Variants in TTC7A observed in about 807,000 individuals in gnomAD.
The protein encoded by TTC7A is tetratricopeptide repeat domain 7A.
TTC7A carries 110 observed loss-of-function variants against 103.7 expected under a neutral mutation model. The ratio of observed to expected loss-of-function variants is 1.06; its 90% CI spans 0.91 to 1.24. TTC7A has a LOEUF of 1.24. TTC7A is among the 50% of genes most tolerant of loss of function. TTC7A has a pLI of 0.00. For missense variants in TTC7A, 1,340 were observed against 1,116.3 expected (o/e 1.20, Z -2.86); for synonymous variants, 521 against 467.9 (o/e 1.11, Z -1.47).
At chr2:47,055,172 T>C (rs1027072946) in intron 18 of TTC7A, among the ~76,000 whole-genome samples, 2 of 151,952 alleles carry the variant, frequency 1.3e-5, no homozygotes, top group Admixed American at 6.5e-5. Context: ...GCCTAATGAC[T>C]CCACCAGCTG....
rs113261858 is a variant in TTC7A at position 47,021,903 on chromosome 2, C to A, written c.1434C>A (p.Leu478=). The A allele has an allele frequency of 9.9e-5, 159 of 1,614,168 alleles. No individual in the cohort carries two copies. In the African/African-American group the frequency reaches 1.8e-3, roughly 18 times the overall value. ...AEHFAMMVIS[L]GEEAGEFLPK... Reference sequence around the variant, plus strand: ...ACTTTGCCATGATGGTGATCAGCCTCGGAGAGGAAGCCGGGGAGTTCCTCC... The same window carrying A: ...ACTTTGCCATGATGGTGATCAGCCTAGGAGAGGAAGCCGGGGAGTTCCTCC... Residue 478 remains leucine, a synonymous_variant, in exon 12 of 20, where the codon CTC becomes CTA. Coordinates refer to ENST00000319190, the MANE Select transcript of TTC7A (RefSeq NM_020458.4).
chr2:47,068,862 C>CAAAAAAAAA (rs201835431), intron 19 of TTC7A, among the ~76,000 whole-genome samples: 2 of 69,758 alleles, frequency 2.9e-5, no homozygotes, highest in African/African-American at 3.7e-5. Context: ...TCAATTTTTT[C>CAAAAAAAAA]AAAAAAAAAA....
upstream of TTC7A, among the ~76,000 whole-genome samples, chr2:46,939,178 G>C (rs143089887): frequency 3.5e-3 from 537 of 152,178 alleles, 4 homozygotes; most frequent in African/African-American, 0.012. Flanking sequence ...CTCTACAGGA[G>C]CTAAACCCAT....
chr2:46,991,985 C>T (rs957122064), intron 5 of TTC7A, among the ~76,000 whole-genome samples: 6 of 152,222 alleles, frequency 3.9e-5, no homozygotes. Context: ...CAAAGGTGTC[C>T]TTTCATGGCT....
chr2:46,922,683 T>TC (rs1170538188), intron 2 of TTC7A, among the ~76,000 whole-genome samples: 3 of 151,824 alleles, frequency 2.0e-5, no homozygotes, highest in Non-Finnish European at 2.9e-5. Flanking sequence ...TTTCTCCCAT[T>TC]CTCTCACTCA....
intron 17 of TTC7A, among the ~76,000 whole-genome samples, chr2:47,051,176 C>G (rs2117166): frequency 0.15 from 22,345 of 152,080 alleles, 2,748 homozygotes; most frequent in East Asian, 0.62. Context: ...GTGAAAATAG[C>G]CAAGGGAAGA....
chr2:47,050,617 CT>C (rs1682778454), intron 17 of TTC7A: 1 of 153,580 alleles, frequency 6.5e-6, no homozygotes, highest in African/African-American at 2.4e-5. Context: ...AGTGGAATTG[CT>C]CAGTTTTTTC....
chr2:46,999,454 C>A, intron 8 of TTC7A: 1 of 984,316 alleles, frequency 1.0e-6, no homozygotes, highest in Non-Finnish European at 1.2e-6. Flanking sequence ...TCTGTCTATC[C>A]ACCCACCATG....
In TTC7A at chr2:46,986,566, A is replaced by C. The variant is rs528119400; in HGVS notation, c.765-6884A>C. Among the ~76,000 whole-genome samples, 29 of 152,156 alleles carry C rather than the reference A, an allele frequency of 1.9e-4. No individual in the cohort carries two copies. In the South Asian group the frequency reaches 3.3e-3, roughly 17 times the overall value. ...CTGCCTGGGGTGGGGTGGACCCTGA[A>C]GGTGTCTGAGGAGCAGTTCGCCCCA... On this transcript the variant is annotated intron_variant, in intron 5 of 19. Transcript: ENST00000319190.
chr2:46,978,774 C>T lies in TTC7A; in HGVS notation c.649-18C>T. 1 of 1,608,090 alleles carries T rather than the reference C, an allele frequency of 6.2e-7. No homozygotes were observed. Among genetic ancestry groups the T allele is most frequent in the African/African-American group, 1.3e-5 (1 of 74,906 alleles). On this transcript the variant is annotated intron_variant, in intron 4 of 19. Transcript: ENST00000319190. ...CAGAACTTTGAGACAATGGCTCTCT[C>T]TCTGTTTCCCTTCCCAGACCACAAA...
intron 16 of TTC7A, chr2:47,047,201 C>A: frequency 1.1e-6 from 1 of 878,816 alleles, no homozygotes. Context: ...TTTGGGATAG[C>A]TGGCTGTGTC....
intron 2 of TTC7A, chr2:46,951,527 C>G (rs1671406634): frequency 2.2e-6 from 1 of 449,738 alleles, no homozygotes; most frequent in Admixed American, 2.4e-5. Flanking sequence ...CTCCCTCCCT[C>G]CCTTCCTTCC....
chr2:46,960,313 C>A (rs1023532538), intron 3 of TTC7A, among the ~76,000 whole-genome samples: 1 of 152,218 alleles, frequency 6.6e-6, no homozygotes, highest in Non-Finnish European at 1.5e-5. Flanking sequence ...TGGCCCTGGA[C>A]AGAGCCTCCC....
At position 46,994,428 on chromosome 2, in the gene TTC7A, C is replaced by T. The variant is rs1675950285; in HGVS notation, c.915C>T (p.Ser305=). The part of the protein sequence containing the change: ...LSEECYWSPL[S]HPLPEFMGKE... ...AGGAGTGCTACTGGAGCCCCCTGTC[C>T]CACCCTCTGCCTGAGTTCATGGGCA... Residue 305 remains serine, a synonymous_variant, in exon 7 of 20, where the codon TCC becomes TCT. Transcript: ENST00000319190. 1 of 1,614,112 alleles carries T rather than the reference C, an allele frequency of 6.2e-7. No individual in the cohort carries two copies. The highest frequency in any genetic ancestry group is 8.5e-7 in the Non-Finnish European group (1 of 1,179,998).
chr2:46,996,709 G>A (rs999928208), intron 8 of TTC7A, among the ~76,000 whole-genome samples: 1 of 152,232 alleles, frequency 6.6e-6, no homozygotes, highest in South Asian at 2.1e-4. Context: ...GCCCAGGGGA[G>A]GGGCCATCTC....
chr2:46,945,366 C>T (rs914118252), intron 1 of TTC7A, among the ~76,000 whole-genome samples: 3 of 152,152 alleles, frequency 2.0e-5, no homozygotes, highest in Non-Finnish European at 1.5e-5. Context: ...GATTCTTCTG[C>T]CTCAGCCTCC....
At position 46,941,502 on chromosome 2, in the gene TTC7A, ACTT is replaced by A; in HGVS notation, c.-36_-34del. The A allele has an allele frequency of 6.5e-7, 1 of 1,540,758 alleles. No individual in the cohort carries two copies. The highest frequency in any genetic ancestry group is 1.2e-5 in the South Asian group (1 of 82,932). On this transcript the variant is annotated 5_prime_UTR_variant, in exon 1 of 20. Transcript: ENST00000319190. The surrounding 1 kb of genome is among the most constrained non-coding windows in gnomAD (Gnocchi z 4.2). ...GGACGCCGCCCCCGGCCGGGTCTCC[ACTT>A]CTTGGCCGCACCTTCCATGACAGCG...
chr2:46,993,162 G>A (rs957411164), intron 5 of TTC7A, among the ~76,000 whole-genome samples: 1 of 152,248 alleles, frequency 6.6e-6, no homozygotes, highest in Non-Finnish European at 1.5e-5. Context: ...GTCACACCTT[G>A]TTTGAGATAC....
intron 5 of TTC7A, among the ~76,000 whole-genome samples, chr2:46,987,864 G>A (rs923811973): frequency 6.6e-6 from 1 of 151,380 alleles, no homozygotes; most frequent in African/African-American, 2.4e-5. Flanking sequence ...CACCTTTCCA[G>A]CTGGATGCCG....
Sources: gnomAD v4.1 joint callset for allele counts (sites outside exome capture counted in the v4.1 genomes callset) on GRCh38, gnomAD v4.1.1 for gene constraint, Gnocchi (gnomAD v3.1) non-coding constraint, MANE v1.5 for transcripts, NCBI Gene and HGNC (gene_info 2026-07-23, HGNC 2026-07-21) for gene names.